LRP1B: variants seen among roughly 807,000 people sequenced by gnomAD.
LRP1B encodes LDL receptor related protein 1B.
In LRP1B, 217 loss-of-function variants were observed where a neutral mutation model predicts 556.6. The observed-to-expected ratio is 0.39, with a 90% CI of 0.35 to 0.44. The LOEUF is 0.44. Among genes scored for constraint, LRP1B ranks in the 20% least tolerant of loss-of-function variants. The pLI is 1.00. For synonymous variants in LRP1B, 2,047 were observed against 1,865.8 expected, an observed-to-expected ratio of 1.10 and a Z score of -2.50; for missense variants, 5,053 against 5,620.8, an observed-to-expected ratio of 0.90 and a Z score of 3.23.
chr2:140,851,877 A>T (rs2105122648), intron 27 of LRP1B, 94 bp from the exon 28 acceptor site: 4 of 1,220,760 alleles, frequency 3.3e-6, no homozygotes, highest in Non-Finnish European at 4.5e-6. Context: ...AATGATTCAA[A>T]GTAAAGTTTC....
intron 3 of LRP1B, among the ~76,000 whole-genome samples, chr2:141,313,149 TTTAAA>T (rs1686876383): frequency 2.0e-5 from 3 of 152,178 alleles, no homozygotes; most frequent in Non-Finnish European, 4.4e-5. Context: ...CTATTTCTTT[TTTAAA>T]TTAAAGACTT....
intron 3 of LRP1B, among the ~76,000 whole-genome samples, chr2:141,451,126 A>G (rs1681406505): frequency 6.6e-6 from 1 of 152,202 alleles, no homozygotes; most frequent in South Asian, 2.1e-4. Context: ...GCTAATGCTG[A>G]ATATTGGTAA....
At chr2:141,228,582 AGTGTGTGTGTGT>A (rs3063860) in intron 6 of LRP1B, among the ~76,000 whole-genome samples, 1 of 146,288 alleles carries the variant, frequency 6.8e-6, no homozygotes, top group Non-Finnish European at 1.5e-5. Flanking sequence ...TGTGTGTATG[AGTGTGTGTGTGT>A]GTGTGTGTGT....
At chr2:141,268,167 C>T (rs1684960413) in intron 3 of LRP1B, among the ~76,000 whole-genome samples, 1 of 152,098 alleles carries the variant, frequency 6.6e-6, no homozygotes, top group African/African-American at 2.4e-5. Context: ...TCAAAAAATG[C>T]CAACTGTGTG....
At chr2:141,646,647 G>T (rs1443211834) in intron 2 of LRP1B, among the ~76,000 whole-genome samples, 1 of 152,048 alleles carries the variant, frequency 6.6e-6, no homozygotes, top group African/African-American at 2.4e-5. Flanking sequence ...TCATGGAAAT[G>T]CAGGGAACCG....
At chr2:141,478,119 A>T (rs977413625) in intron 3 of LRP1B, among the ~76,000 whole-genome samples, 1 of 152,194 alleles carries the variant, frequency 6.6e-6, no homozygotes. Flanking sequence ...AAGGATCAAA[A>T]TAAAATTAAA....
chr2:141,036,917 C>T (rs1698550455), intron 11 of LRP1B, among the ~76,000 whole-genome samples: 1 of 151,998 alleles, frequency 6.6e-6, no homozygotes, highest in Non-Finnish European at 1.5e-5. Flanking sequence ...CTGCCCAAAA[C>T]TCCCCTAGAT....
intron 2 of LRP1B, among the ~76,000 whole-genome samples, chr2:141,791,805 T>C (rs1252338063): frequency 6.6e-6 from 1 of 151,994 alleles, no homozygotes; most frequent in Non-Finnish European, 1.5e-5. Flanking sequence ...GTTTTCAAAT[T>C]GTAATGGTTA....
chr2:140,748,784 A>T lies in LRP1B; in HGVS notation c.5758+20429T>A, dbSNP rs9678188. Among the ~76,000 whole-genome samples the T allele has an allele frequency of 7.0e-4, 30 of 43,060 alleles. 3 individuals are homozygous for T. Among genetic ancestry groups the T allele is most frequent in the African/African-American group, 1.9e-3 (30 of 15,464 alleles). 28.2% of individuals were successfully genotyped at this position (43,060 alleles called of 152,430 possible). On this transcript the variant is annotated intron_variant, in intron 35 of 90. Transcript: ENST00000389484. The stretch of plus-strand genomic sequence containing the variant: ...ATATACATGTATATAATATGTATAT[A>T]ATATATATTATATACATATTATATA...
chr2:140,305,108 C>A (rs1309327560), intron 83 of LRP1B, among the ~76,000 whole-genome samples: 4 of 152,112 alleles, frequency 2.6e-5, no homozygotes, highest in Non-Finnish European at 1.5e-5. Context: ...CAGCTTTGTT[C>A]TTTTGGCTTA....
At chr2:140,371,861 T>A (rs1055941410) in intron 69 of LRP1B, among the ~76,000 whole-genome samples, 2 of 152,034 alleles carry the variant, frequency 1.3e-5, no homozygotes, top group Non-Finnish European at 2.9e-5. Context: ...TATGAATACA[T>A]GTGTAATTAA....
At chr2:141,335,869 C>T (rs1483916875) in intron 3 of LRP1B, among the ~76,000 whole-genome samples, 2 of 151,944 alleles carry the variant, frequency 1.3e-5, no homozygotes, top group African/African-American at 4.8e-5. Context: ...TATATACAGA[C>T]CTAAATCAAA....
chr2:141,730,983 C>G (rs1693250239), intron 2 of LRP1B, among the ~76,000 whole-genome samples: 4 of 152,150 alleles, frequency 2.6e-5, no homozygotes, highest in Admixed American at 2.6e-4. Flanking sequence ...GAAACAATAA[C>G]TTCAAGGCAA....
chr2:141,984,079 T>C (rs566637741), intron 1 of LRP1B, among the ~76,000 whole-genome samples: 23 of 152,014 alleles, frequency 1.5e-4, no homozygotes, highest in African/African-American at 5.3e-4. Context: ...AATAAATAAA[T>C]AAAAAGCCCA....
intron 43 of LRP1B, among the ~76,000 whole-genome samples, chr2:140,582,222 A>G (rs1031418283): frequency 7.2e-5 from 11 of 152,268 alleles, no homozygotes; most frequent in Admixed American, 3.9e-4. Context: ...AATTTTCACT[A>G]TGCAAATTGT....
rs368769947 is a variant in LRP1B at position 140,548,986 on chromosome 2, TAAC to T, written c.7195-7018_7195-7016del. ...AAACTGTAAATTATTGTGAGGTAAT[TAAC>T]AACATTATCTTTCTGATTTCCCAAA... On this transcript the variant is annotated intron_variant, in intron 43 of 90. Coordinates refer to ENST00000389484, the MANE Select transcript of LRP1B (RefSeq NM_018557.3). Among the ~76,000 whole-genome samples, 276 of 152,144 alleles carry T rather than the reference TAAC, an allele frequency of 1.8e-3. 2 individuals carry two copies. Among genetic ancestry groups the T allele is most frequent in the African/African-American group, 5.8e-3 (240 of 41,506 alleles).
intron 3 of LRP1B, among the ~76,000 whole-genome samples, chr2:141,464,606 A>ATATATATTTTTTTTTTTTT: frequency 1.1e-5 from 1 of 90,544 alleles, no homozygotes; most frequent in African/African-American, 4.3e-5. Flanking sequence ...ATATATATAT[A>ATATATATTTTTTTTTTTTT]TTTTTTTAGT....
chr2:140,671,323 A>G (rs1168044460), intron 41 of LRP1B, among the ~76,000 whole-genome samples: 1 of 152,196 alleles, frequency 6.6e-6, no homozygotes, highest in Non-Finnish European at 1.5e-5. Context: ...GATTGAGACC[A>G]TCCTGGCTAA....
rs147566130 is a variant in LRP1B at position 141,196,543 on chromosome 2, A to G, written c.851-7960T>C. Among the ~76,000 whole-genome samples, 12 of 152,244 alleles carry G rather than the reference A, an allele frequency of 7.9e-5. No individual in the cohort carries two copies. In the East Asian group the frequency reaches 2.3e-3, roughly 30 times the overall value. On this transcript the variant is annotated intron_variant, in intron 6 of 90. Transcript: ENST00000389484. Reference sequence around the variant, plus strand: ...CATTTTTGTTGATAGGTGAGAAAGTAGTTTAGTATTACTACACTTCCTTCC... The same window carrying G: ...CATTTTTGTTGATAGGTGAGAAAGTGGTTTAGTATTACTACACTTCCTTCC...
Sources: gnomAD v4.1 joint callset for allele counts (sites outside exome capture counted in the v4.1 genomes callset) on GRCh38, gnomAD v4.1.1 for gene constraint, MANE v1.5 for transcripts, NCBI Gene and HGNC (gene_info 2026-07-23, HGNC 2026-07-21) for gene names.